RANBP2: variants seen among roughly 807,000 people sequenced by gnomAD.
RANBP2 encodes the protein E3 SUMO-protein ligase RanBP2.
In RANBP2, 57 loss-of-function variants were observed where a neutral mutation model predicts 303.6. The observed-to-expected ratio is 0.19, with a 90% CI of 0.15 to 0.23. The LOEUF is 0.23. RANBP2 is among the 10% of genes least tolerant of loss of function. RANBP2 has a pLI of 1.00. For synonymous variants in RANBP2, 1,167 were observed against 1,301.5 expected (o/e 0.90, Z 2.23); for missense variants, 3,138 against 3,780.8 (o/e 0.83, Z 4.46).
the RANBP2 span, among the ~76,000 whole-genome samples, chr2:109,096,457 A>G: frequency 2.6e-5 from 4 of 152,190 alleles, no homozygotes; most frequent in Non-Finnish European, 5.9e-5. Flanking sequence ...GGCTGCCCTA[A>G]AATGTTTTTG....
chr2:108,960,525 C>T, the RANBP2 span, among the ~76,000 whole-genome samples: 1 of 152,324 alleles, frequency 6.6e-6, no homozygotes, highest in East Asian at 1.9e-4. Context: ...GCACACCTGT[C>T]TCTGCTGCCC....
At chr2:109,394,606 C>T in the RANBP2 span, among the ~76,000 whole-genome samples, 1 of 152,208 alleles carries the variant, frequency 6.6e-6, no homozygotes, top group Admixed American at 6.5e-5. Flanking sequence ...AATGTGTTCT[C>T]TTTCCATTAA....
intron 27 of RANBP2, 63 bp downstream of exon 27, chr2:108,782,464 C>G: frequency 6.2e-7 from 1 of 1,613,390 alleles, no homozygotes; most frequent in East Asian, 2.2e-5. Flanking sequence ...CTATAACAAA[C>G]AAAACAACTT....
the RANBP2 span, among the ~76,000 whole-genome samples, chr2:109,325,252 G>T: frequency 2.7e-5 from 4 of 150,834 alleles, no homozygotes; most frequent in Non-Finnish European, 5.9e-5. Flanking sequence ...GGTTTACACA[G>T]AGTAAGCCAA....
At chr2:109,237,053 C>A in the RANBP2 span, among the ~76,000 whole-genome samples, 2 of 152,172 alleles carry the variant, frequency 1.3e-5, no homozygotes, top group African/African-American at 4.8e-5. Flanking sequence ...GCAGTGACAT[C>A]ATCTCACTGC....
chr2:108,954,824 C>T, the RANBP2 span, among the ~76,000 whole-genome samples: 5 of 151,964 alleles, frequency 3.3e-5, no homozygotes, highest in African/African-American at 1.2e-4. Context: ...TACAGGCGCC[C>T]GCCACCATGG....
At chr2:109,333,924 C>A in the RANBP2 span, among the ~76,000 whole-genome samples, 68 of 152,168 alleles carry the variant, frequency 4.5e-4, 1 homozygote, top group Admixed American at 4.0e-3. Flanking sequence ...CTATGAAGTT[C>A]AGAAGAATTA....
chr2:109,149,041 C>A, the RANBP2 span, among the ~76,000 whole-genome samples: 1 of 152,186 alleles, frequency 6.6e-6, no homozygotes, highest in African/African-American at 2.4e-5. Flanking sequence ...CTCATTTATT[C>A]ATTTGCTCTT....
the RANBP2 span, among the ~76,000 whole-genome samples, chr2:109,250,502 GAAT>G: frequency 2.6e-5 from 4 of 151,698 alleles, no homozygotes; most frequent in Non-Finnish European, 1.5e-5. Flanking sequence ...AAAATAAATG[GAAT>G]AATAATGGAC....
the RANBP2 span, among the ~76,000 whole-genome samples, chr2:109,190,207 C>CT: frequency 1.3e-4 from 20 of 151,766 alleles, no homozygotes; most frequent in African/African-American, 4.8e-4. Flanking sequence ...GAGTCTCACT[C>CT]TTATTGCCCA....
the RANBP2 span, among the ~76,000 whole-genome samples, chr2:108,842,488 T>G: frequency 1.3e-5 from 2 of 152,124 alleles, no homozygotes; most frequent in Admixed American, 6.5e-5. Context: ...GAGTCCAGGA[T>G]GTTACCCATA....
the RANBP2 span, chr2:109,737,614 A>G: frequency 2.6e-4 from 76 of 294,476 alleles, no homozygotes; most frequent in South Asian, 1.3e-4. Flanking sequence ...GCTGGATCAT[A>G]TGGTAGTTTA....
chr2:109,090,832 C>T, the RANBP2 span, among the ~76,000 whole-genome samples: 6 of 152,020 alleles, frequency 3.9e-5, no homozygotes, highest in South Asian at 2.1e-4. Flanking sequence ...TCTTAAATTT[C>T]CAGTCAAACT....
chr2:109,591,862 A>C, the RANBP2 span, among the ~76,000 whole-genome samples: 1 of 152,086 alleles, frequency 6.6e-6, no homozygotes, highest in Middle Eastern at 3.2e-3. Flanking sequence ...GCACCACTGC[A>C]CTCCAGCCTG....
the RANBP2 span, among the ~76,000 whole-genome samples, chr2:108,857,225 C>T: frequency 6.6e-6 from 1 of 151,756 alleles, no homozygotes; most frequent in South Asian, 2.1e-4. Context: ...ATTACAGGCA[C>T]ACGCCACCAC....
chr2:109,598,287 C>T, the RANBP2 span, among the ~76,000 whole-genome samples: 12 of 151,930 alleles, frequency 7.9e-5, no homozygotes, highest in East Asian at 7.9e-4. Flanking sequence ...AGGCTAGTCT[C>T]GAACTCCCAA....
the RANBP2 span, among the ~76,000 whole-genome samples, chr2:109,410,154 G>A: frequency 3.9e-5 from 6 of 152,320 alleles, no homozygotes; most frequent in African/African-American, 1.2e-4. Flanking sequence ...ACAACCTGGC[G>A]GTTTAGAATC....
At chr2:109,726,131 G>A in the RANBP2 span, among the ~76,000 whole-genome samples, 6 of 151,208 alleles carry the variant, frequency 4.0e-5, no homozygotes, top group Middle Eastern at 3.4e-3. Context: ...GGAGGTGGCC[G>A]GGTGCAGTGG....
chr2:108,779,484 A>AT lies in RANBP2; in HGVS notation c.8600-1776dup, dbSNP rs796178357. ...CCGGCCCTCTCTCCTCTTTAAAAACATTTTTTTTTCCCCTCCATTAAATCT... is the reference window on the plus strand; with the variant it reads ...CCGGCCCTCTCTCCTCTTTAAAAACATTTTTTTTTTCCCCTCCATTAAATCT... On this transcript the variant is annotated intron_variant, in intron 25 of 28. Transcript: ENST00000283195. 2.6e-5 allele frequency among the ~76,000 whole-genome samples: 4 copies of AT among 151,144 alleles called. No individual in the cohort carries two copies. The East Asian group carries it at 5.8e-4, about 22-fold the overall frequency.
Sources: gnomAD v4.1 joint callset for allele counts (sites outside exome capture counted in the v4.1 genomes callset) on GRCh38, gnomAD v4.1.1 for gene constraint, MANE v1.5 for transcripts, NCBI Gene and HGNC (gene_info 2026-07-23, HGNC 2026-07-21) for gene names.